The following TENM3 variants were observed in gnomAD, a reference collection of about 807,000 sequenced individuals.
The protein encoded by TENM3 is teneurin transmembrane protein 3.
In TENM3, 63 loss-of-function variants were observed where a neutral mutation model predicts 255.1. The observed-to-expected ratio is 0.25, with a 90% CI of 0.20 to 0.30. The LOEUF (loss-of-function observed/expected upper bound fraction) is 0.30. TENM3 is among the 10% of genes least tolerant of loss of function. The probability of loss-of-function intolerance (pLI) is 1.00; values close to 1 mark genes in which losing one functional copy is unlikely to be tolerated. For synonymous variants in TENM3, 1,306 were observed against 1,322.3 expected, an observed-to-expected ratio of 0.99 and a Z score of 0.27; for missense variants, 2,929 against 3,461.1, an observed-to-expected ratio of 0.85 and a Z score of 3.86.
chr4:182,486,343 C>T (rs995727572), intron 3 of TENM3, among the ~76,000 whole-genome samples: 4 of 150,636 alleles, frequency 2.7e-5, no homozygotes, highest in South Asian at 2.1e-4. Flanking sequence ...GGTGGTCATC[C>T]CTATGGGAAA....
chr4:181,816,308 T>C, the TENM3 span, among the ~76,000 whole-genome samples: 1 of 152,140 alleles, frequency 6.6e-6, no homozygotes, highest in Non-Finnish European at 1.5e-5. Flanking sequence ...ATTCCTCTAC[T>C]CATTTTCCAT....
At position 182,789,124 on chromosome 4, in the gene TENM3, T is replaced by C. The variant is rs1189341763; in HGVS notation, c.5336T>C (p.Phe1779Ser). 2 of 1,610,358 alleles carry C rather than the reference T, an allele frequency of 1.2e-6. No homozygotes were observed. The highest frequency in any genetic ancestry group is 2.2e-5 in the East Asian group (1 of 44,800). ...GGCAGAAACCTCCTTTCAGTTGACT[T>C]TGATCGAACAACAAAGACAGAAAAG... Reference protein sequence around the residue: ...VNGRNLLSVDFDRTTKTEKIY... With the variant: ...VNGRNLLSVDSDRTTKTEKIY... Residue 1779 changes from phenylalanine to serine, a missense_variant, in exon 25 of 28, where the codon TTT (phenylalanine) becomes TCT (serine). Physicochemically the swap from Phe to Ser is radical, Grantham distance 155. This residue lies in a region of TENM3 where 303 missense variants were observed against 425.2 expected (regional missense o/e 0.71). Transcript: ENST00000511685. The surrounding 1 kb of genome is among the most constrained non-coding windows in gnomAD (Gnocchi z 4.4).
chr4:181,724,906 C>T, the TENM3 span, among the ~76,000 whole-genome samples: 1 of 152,166 alleles, frequency 6.6e-6, no homozygotes, highest in Non-Finnish European at 1.5e-5. Flanking sequence ...GGCCAGATTG[C>T]CACCTTTCAG....
At chr4:181,866,389 T>C in the TENM3 span, among the ~76,000 whole-genome samples, 7 of 152,222 alleles carry the variant, frequency 4.6e-5, no homozygotes, top group East Asian at 9.6e-4. Flanking sequence ...ACTTAGTTTA[T>C]GTAGATACTG....
intron 20 of TENM3, 43 bp from the exon 21 acceptor site, chr4:182,753,406 AC>A: frequency 1.3e-6 from 2 of 1,552,466 alleles, no homozygotes; most frequent in Non-Finnish European, 8.9e-7. Flanking sequence ...ATCAAAAGTA[AC>A]CATTTTTGAA....
At chr4:182,113,830 C>G in the TENM3 span, among the ~76,000 whole-genome samples, 2 of 152,134 alleles carry the variant, frequency 1.3e-5, no homozygotes, top group Non-Finnish European at 2.9e-5. Flanking sequence ...GTGATTCACT[C>G]TTGCTACTTT....
chr4:181,825,977 G>A, the TENM3 span, among the ~76,000 whole-genome samples: 20 of 152,226 alleles, frequency 1.3e-4, no homozygotes, highest in East Asian at 1.9e-4. Flanking sequence ...AAAACCTAGC[G>A]CAGGACCAAC....
chr4:182,569,875 GA>G (rs75791547), intron 3 of TENM3, among the ~76,000 whole-genome samples: 35,816 of 152,006 alleles, frequency 0.24, 5,476 homozygotes, highest in African/African-American at 0.43. Flanking sequence ...GGAAGCCTCG[GA>G]AAAGGTGAGG....
the TENM3 span, among the ~76,000 whole-genome samples, chr4:181,486,273 T>C: frequency 1.3e-5 from 2 of 152,182 alleles, no homozygotes; most frequent in Non-Finnish European, 2.9e-5. Flanking sequence ...AGAAGCCATA[T>C]TGCCCATCTC....
Position 182,559,270 on chromosome 4 carries a change from T to A in TENM3, c.512-41654T>A, listed in dbSNP as rs55671967. Among the ~76,000 whole-genome samples, 507 of 152,094 alleles carry A rather than the reference T, an allele frequency of 3.3e-3. 3 individuals are homozygous for A. The highest frequency in any genetic ancestry group is 5.7e-3 in the Non-Finnish European group (387 of 67,992). ...ATTAATCCTGAGAACAGTACAATGC[T>A]CAGGAGAGAATTATTTGAATTAAAT... On this transcript the variant is annotated intron_variant, in intron 3 of 27. Coordinates refer to ENST00000511685, the MANE Select transcript of TENM3 (RefSeq NM_001080477.4).
the TENM3 span, among the ~76,000 whole-genome samples, chr4:181,476,194 G>A: frequency 8.2e-6 from 1 of 121,532 alleles, no homozygotes; most frequent in African/African-American, 3.1e-5. Flanking sequence ...TTAAAGATAA[G>A]ACATTTTAGG....
chr4:181,545,568 T>C, the TENM3 span, among the ~76,000 whole-genome samples: 1 of 152,182 alleles, frequency 6.6e-6, no homozygotes, highest in East Asian at 1.9e-4. Context: ...TCTGAGGCTT[T>C]TAGAGGCTTT....
At chr4:182,228,945 G>C (rs1315213284) in intron 1 of TENM3, among the ~76,000 whole-genome samples, 2 of 152,160 alleles carry the variant, frequency 1.3e-5, no homozygotes, top group Non-Finnish European at 2.9e-5. Flanking sequence ...CAGTCCTACT[G>C]TCATGGGGCA....
the TENM3 span, among the ~76,000 whole-genome samples, chr4:181,868,801 C>T: frequency 3.3e-5 from 5 of 152,222 alleles, no homozygotes; most frequent in African/African-American, 1.2e-4. Flanking sequence ...TTGTATTTAG[C>T]ATAATAAATG....
At chr4:181,534,794 C>T in the TENM3 span, among the ~76,000 whole-genome samples, 1 of 152,142 alleles carries the variant, frequency 6.6e-6, no homozygotes, top group Non-Finnish European at 1.5e-5. Context: ...ATCTTCCTCT[C>T]CAGGCTGTGA....
At chr4:182,582,052 T>C (rs1745542507) in intron 3 of TENM3, among the ~76,000 whole-genome samples, 1 of 152,316 alleles carries the variant, frequency 6.6e-6, no homozygotes, top group Non-Finnish European at 1.5e-5. Flanking sequence ...TTTTTTCATC[T>C]CTGTTCCCCT....
At chr4:181,665,612 A>G in the TENM3 span, among the ~76,000 whole-genome samples, 1 of 150,972 alleles carries the variant, frequency 6.6e-6, no homozygotes, top group East Asian at 2.0e-4. Flanking sequence ...GTGTCTATAT[A>G]CAATGTGTAT....
At chr4:182,263,039 G>T (rs560853468) in intron 1 of TENM3, among the ~76,000 whole-genome samples, 1 of 151,906 alleles carries the variant, frequency 6.6e-6, no homozygotes, top group Non-Finnish European at 1.5e-5. Flanking sequence ...TCTTTCTTGC[G>T]CGAGATCCAG....
chr4:181,684,726 C>A, the TENM3 span, among the ~76,000 whole-genome samples: 1 of 151,952 alleles, frequency 6.6e-6, no homozygotes, highest in East Asian at 1.9e-4. Flanking sequence ...AAATTAAGAA[C>A]TTACATTAGT....
Sources: allele counts gnomAD v4.1 joint callset (sites outside exome capture counted in the v4.1 genomes callset), GRCh38; gene constraint gnomAD v4.1.1; regional missense constraint gnomAD v4.1.1; non-coding constraint Gnocchi (gnomAD v3.1); transcripts MANE v1.5; gene names NCBI Gene and HGNC (gene_info 2026-07-23, HGNC 2026-07-21).